The following HNRNPA3 variants were observed in gnomAD, a reference collection of about 807,000 sequenced individuals.
The protein encoded by HNRNPA3 is epididymis secretory sperm binding protein.
A neutral mutation model predicts 45.8 loss-of-function variants in HNRNPA3; 3 were observed. That is an observed-to-expected ratio of 0.07 (90% CI 0.03 to 0.17). The LOEUF is 0.17. Among genes scored for constraint, HNRNPA3 ranks in the 10% least tolerant of loss-of-function variants. The pLI is 1.00. For missense variants in HNRNPA3, 183 were observed against 480.3 expected (o/e 0.38, Z 5.79); for synonymous variants, 170 against 155.6 (o/e 1.09, Z -0.69).
chr2:177,214,265 C>T (rs761602270), intron 1 of HNRNPA3, among the ~76,000 whole-genome samples: 7 of 152,180 alleles, frequency 4.6e-5, no homozygotes, highest in Non-Finnish European at 8.8e-5. Flanking sequence ...AATGTAAGTC[C>T]AACTTGCCAG....
intron 8 of HNRNPA3, among the ~76,000 whole-genome samples, chr2:177,218,495 A>G (rs1211323692): frequency 6.6e-6 from 1 of 152,226 alleles, no homozygotes; most frequent in African/African-American, 2.4e-5. Context: ...TTTAAACTGG[A>G]CAACCGGGAA....
At chr2:177,219,277 G>T in exon 10 of HNRNPA3, 2 of 1,613,688 alleles carry the variant, frequency 1.2e-6, no homozygotes, top group Non-Finnish European at 8.5e-7. Context: ...GGAAGTGGTG[G>T]ATATGGTAGC....
chr2:177,219,308 G>C (rs1256988726), exon 10 of HNRNPA3: 2 of 1,609,382 alleles, frequency 1.2e-6, no homozygotes, highest in Non-Finnish European at 1.7e-6. Context: ...AAAAACAGCA[G>C]AAAAGGGTAG....
In HNRNPA3 at chr2:177,216,912, T is replaced by C. The variant is rs568046758; in HGVS notation, c.792T>C (p.Asp264=). Residue 264 remains aspartate (D), a synonymous_variant, in exon 7 of 11, where the codon GAT becomes GAC. Transcript: ENST00000392524. ...GCAGAGGTAGTTATGGAGGAGGTGA[T>C]GGTGGATATAATGGATTTGGAGGTG... 1.6e-5 allele frequency: 26 copies of C among 1,583,724 alleles called. No homozygotes were observed. The South Asian group carries it at 1.9e-4, about 12-fold the overall frequency.
exon 7 of HNRNPA3, chr2:177,216,878 G>T: frequency 9.3e-6 from 15 of 1,609,450 alleles, no homozygotes; most frequent in Non-Finnish European, 1.2e-5. Flanking sequence ...GGTGGTGGAG[G>T]TGGTGGCAGC....
chr2:177,221,477 ATG>A (rs1483081878), downstream of HNRNPA3: 2 of 152,640 alleles, frequency 1.3e-5, no homozygotes, highest in Non-Finnish European at 2.9e-5. Context: ...CCAACTTTCT[ATG>A]TTCTGGAACT....
intron 1 of HNRNPA3, 82 bp from the exon 2 acceptor site, chr2:177,215,457 A>G (rs1169250518): frequency 1.0e-5 from 14 of 1,355,508 alleles, no homozygotes; most frequent in Non-Finnish European, 1.4e-5. Flanking sequence ...TGATTTTATT[A>G]CTTACCGTAC....
rs200510758 is a variant in HNRNPA3 at position 177,215,508 on chromosome 2, G to A, written c.73-31G>A. 370 of 1,610,400 alleles carry A rather than the reference G, an allele frequency of 2.3e-4. 1 individual carries two copies. Among genetic ancestry groups the A allele is most frequent in the South Asian group, 1.1e-3 (104 of 90,892 alleles). On this transcript the variant is annotated intron_variant, in intron 1 of 10. Transcript: ENST00000392524. ...TGCATCTTAATTCATCTACTGTAAG[G>A]TAACTTAAGAGTATTGGTTCTTTCT... is the stretch of plus-strand genomic sequence containing the variant.
chr2:177,220,110 T>A (rs1450293971), downstream of HNRNPA3: 2 of 152,742 alleles, frequency 1.3e-5, no homozygotes, highest in East Asian at 3.9e-4. Context: ...TACCTTCAAA[T>A]GAAAAAAAAT....
intron 4 of HNRNPA3, 98 bp from the exon 5 acceptor site, chr2:177,216,405 T>C (rs958440544): frequency 2.3e-6 from 2 of 857,286 alleles, no homozygotes; most frequent in Non-Finnish European, 3.7e-6. Context: ...TACCTGATTA[T>C]GTCTTAATGG....
chr2:177,215,934 T>A, intron 3 of HNRNPA3, 38 bp downstream of exon 3: 1 of 1,596,444 alleles, frequency 6.3e-7, no homozygotes, highest in Non-Finnish European at 8.5e-7. Flanking sequence ...GTGAAATTGT[T>A]GTGAAAGTTT....
chr2:177,213,592 T>TA (rs1242957630), intron 1 of HNRNPA3, among the ~76,000 whole-genome samples: 7 of 152,378 alleles, frequency 4.6e-5, no homozygotes, highest in Non-Finnish European at 8.8e-5. Flanking sequence ...CTAAAGTACT[T>TA]ACATTACACT....
chr2:177,213,592 T>G (rs1284458131), intron 1 of HNRNPA3, among the ~76,000 whole-genome samples: 1 of 152,260 alleles, frequency 6.6e-6, no homozygotes. Context: ...CTAAAGTACT[T>G]ACATTACACT....
In HNRNPA3 at chr2:177,215,901, T is replaced by C. The variant is rs751969708; in HGVS notation, c.342+5T>C. On this transcript the variant is annotated splice_donor_5th_base_variant and intron_variant, in intron 3 of 10. Transcript: ENST00000392524. Reference sequence around the variant, plus strand: ...AAGAGAGCTGTTTCTAGAGAGGTATTTTAATAATACATTGTGTAATATGTG... The same window carrying C: ...AAGAGAGCTGTTTCTAGAGAGGTATCTTAATAATACATTGTGTAATATGTG... 1 of 1,596,708 alleles carries C rather than the reference T, an allele frequency of 6.3e-7. No homozygotes were observed. Among genetic ancestry groups the C allele is most frequent in the South Asian group, 1.1e-5 (1 of 87,344 alleles).
rs763871298 is a variant in HNRNPA3 at position 177,219,023 on chromosome 2, C to T, written c.962-14C>T. 2.5e-6 allele frequency: 4 copies of T among 1,611,880 alleles called. No individual in the cohort carries two copies. Among genetic ancestry groups the T allele is most frequent in the South Asian group, 2.2e-5 (2 of 90,606 alleles). On this transcript the variant is annotated splice_polypyrimidine_tract_variant and intron_variant, in intron 8 of 10. Coordinates refer to ENST00000392524, the Ensembl canonical transcript of HNRNPA3. ...TGTGTAGGTAAACCACACATAAAAC[C>T]TTTCTGATTTCAGGTAACTATGGTG...
chr2:177,219,881 T>C (rs1205214865), exon 11 of HNRNPA3: 3 of 152,728 alleles, frequency 2.0e-5, no homozygotes, highest in Non-Finnish European at 4.4e-5. Context: ...AAGATCATTG[T>C]TAATTACTAT....
At chr2:177,221,121 A>G (rs774932149), downstream of HNRNPA3, 7 of 152,668 alleles carry the variant, frequency 4.6e-5, no homozygotes, top group Admixed American at 3.3e-4. Flanking sequence ...TTCCAGAAAC[A>G]TTCACAAACC....
intron 5 of HNRNPA3, 34 bp downstream of exon 5, chr2:177,216,626 A>G (rs777927588): frequency 2.5e-6 from 4 of 1,611,612 alleles, no homozygotes; most frequent in Admixed American, 1.7e-5. Flanking sequence ...TACAGTGGAT[A>G]TGAGTGGTGT....
downstream of HNRNPA3, chr2:177,223,555 GTAAC>G (rs768968252): frequency 5.9e-5 from 9 of 152,106 alleles, no homozygotes; most frequent in Non-Finnish European, 1.0e-4. Context: ...TATTTGTTAA[GTAAC>G]TAATTGAAAT....
Sources: allele counts gnomAD v4.1 joint callset (sites outside exome capture counted in the v4.1 genomes callset), GRCh38; gene constraint gnomAD v4.1.1; transcripts MANE v1.5; gene names NCBI Gene and HGNC (gene_info 2026-07-23, HGNC 2026-07-21).